SPIRE2: variants seen among roughly 807,000 people sequenced by gnomAD.
SPIRE2 encodes protein spire homolog 2.
In SPIRE2, 76 loss-of-function variants were observed where a neutral mutation model predicts 80.7. The ratio of observed to expected loss-of-function variants is 0.94; its 90% CI spans 0.78 to 1.14. The LOEUF is 1.14. Ranked by LOEUF, SPIRE2 falls within the 50% of genes most tolerant of loss-of-function variation. The pLI is 0.00. For missense variants in SPIRE2, 1,196 were observed against 1,015.3 expected (o/e 1.18, Z -2.42); for synonymous variants, 535 against 432.6 (o/e 1.24, Z -2.94).
intron 13 of SPIRE2, among the ~76,000 whole-genome samples, chr16:89,868,725 C>T (rs1336502506): frequency 2.0e-5 from 3 of 152,024 alleles, no homozygotes; most frequent in African/African-American, 4.8e-5. Context: ...CATGGTGGCA[C>T]GCACCTGTAA....
chr16:89,854,258 C>T (rs773416677), intron 3 of SPIRE2, 28 bp from the exon 4 acceptor site: 5 of 1,606,462 alleles, frequency 3.1e-6, no homozygotes. Flanking sequence ...CGTACCTCCC[C>T]TGGACTGACG....
chr16:89,864,684 C>A (rs2041774001), intron 12 of SPIRE2, among the ~76,000 whole-genome samples: 1 of 152,186 alleles, frequency 6.6e-6, no homozygotes, highest in Admixed American at 6.5e-5. Flanking sequence ...GGACTCGCCT[C>A]ACTAACGTGG....
In SPIRE2 at chr16:89,871,311, C is replaced by G. The variant is rs892539511; in HGVS notation, c.*1039C>G. 3.9e-5 allele frequency: 6 copies of G among 152,282 alleles called. No homozygotes were observed. The highest frequency in any genetic ancestry group is 1.4e-4 in the African/African-American group (6 of 41,452). The allele number at this position is 152,282 out of a possible 1,614,324, so 9.4% of individuals were successfully genotyped here. ...CCACTCTTGGCCTAATAAAGGAGGT[C>G]TCACAGTCTTCTGTCTGGGATGTGC... is the stretch of plus-strand genomic sequence containing the variant. On this transcript the variant is annotated 3_prime_UTR_variant, in exon 15 of 15. Transcript: ENST00000378247.
chr16:89,854,225 G>C, intron 3 of SPIRE2, 61 bp from the exon 4 acceptor site: 2 of 1,492,650 alleles, frequency 1.3e-6, no homozygotes, highest in Non-Finnish European at 1.8e-6. Context: ...GACGGACGGG[G>C]CCCGTCTTGC....
Position 89,828,729 on chromosome 16 carries a change from G to A in SPIRE2, c.179G>A (p.Arg60Gln). The A allele has an allele frequency of 8.1e-7, 1 of 1,241,158 alleles. No homozygotes were observed. Among genetic ancestry groups the A allele is most frequent in the Non-Finnish European group, 1.0e-6 (1 of 989,240 alleles). The allele number at this position is 1,241,158 out of a possible 1,614,324, so 76.9% of individuals were successfully genotyped here. A position where few individuals can be genotyped will look rare whatever the true frequency, so the allele number is the denominator to read the frequency against. Residue 60 changes from arginine to glutamine, a missense_variant, in exon 1 of 15, where the codon CGG becomes CAG. Arg to Gln is a conservative substitution (Grantham distance 43). Coordinates refer to ENST00000378247, the MANE Select transcript of SPIRE2 (RefSeq NM_032451.2). This position sits in a 1 kb window ranked among gnomAD's most constrained non-coding sequence, Gnocchi z 5.9. ...CGGGGCTCGCCGGGCCGGCGCCTGC[G>A]GGATACCGGGGACCTCCTGCTGCGC... ...GLRGSPGRRL[R>Q]DTGDLLLRGD...
chr16:89,847,033 A>G (rs1250905153), intron 2 of SPIRE2: 3 of 151,740 alleles, frequency 2.0e-5, no homozygotes, highest in Admixed American at 1.3e-4. Flanking sequence ...CGCAAGACCT[A>G]TTGATATATT....
intron 3 of SPIRE2, among the ~76,000 whole-genome samples, chr16:89,851,723 C>T (rs1209503069): frequency 2.0e-5 from 3 of 152,114 alleles, no homozygotes; most frequent in Non-Finnish European, 4.4e-5. Flanking sequence ...CACACATGGG[C>T]TCTGCCTTTT....
intron 10 of SPIRE2, among the ~76,000 whole-genome samples, chr16:89,861,521 T>G (rs2041744533): frequency 6.6e-6 from 1 of 152,238 alleles, no homozygotes; most frequent in Non-Finnish European, 1.5e-5. Flanking sequence ...AAGGCAGGGC[T>G]TGCCCCGTTA....
intron 13 of SPIRE2, among the ~76,000 whole-genome samples, chr16:89,869,115 T>G (rs1338933315): frequency 3.0e-5 from 4 of 134,874 alleles, no homozygotes; most frequent in Non-Finnish European, 6.2e-5. Flanking sequence ...AAACTCTGCT[T>G]AAGGAGTACT....
chr16:89,845,111 T>G (rs1013867435), intron 1 of SPIRE2, among the ~76,000 whole-genome samples: 79 of 152,316 alleles, frequency 5.2e-4, no homozygotes, highest in African/African-American at 1.8e-3. Flanking sequence ...CCGGCCCCTG[T>G]ACCTGGGTGT....
chr16:89,868,267 C>T, intron 13 of SPIRE2, 51 bp downstream of exon 13: 1 of 1,592,438 alleles, frequency 6.3e-7, no homozygotes, highest in Non-Finnish European at 8.6e-7. Flanking sequence ...ATGAGGGGCT[C>T]CACTGGCTTT....
intron 6 of SPIRE2, 58 bp downstream of exon 6, chr16:89,855,744 G>A (rs1003576199): frequency 1.3e-6 from 2 of 1,551,856 alleles, no homozygotes; most frequent in African/African-American, 1.4e-5. Context: ...CTGTCCTGTA[G>A]CCAGCCTGGG....
At chr16:89,845,686 G>T (rs979455982) in intron 2 of SPIRE2, 3 of 675,482 alleles carry the variant, frequency 4.4e-6, no homozygotes, top group Non-Finnish European at 8.1e-6. Flanking sequence ...ACAGAGCCGG[G>T]GTCAGGGAGA....
At chr16:89,851,972 G>A (rs905347373) in intron 3 of SPIRE2, among the ~76,000 whole-genome samples, 8 of 151,820 alleles carry the variant, frequency 5.3e-5, no homozygotes, top group Non-Finnish European at 1.0e-4. Context: ...TGAGCTGCTC[G>A]GCCTCATCTG....
At chr16:89,867,334 G>A (rs572453425) in intron 12 of SPIRE2, among the ~76,000 whole-genome samples, 5 of 151,934 alleles carry the variant, frequency 3.3e-5, no homozygotes, top group African/African-American at 9.7e-5. Flanking sequence ...TAGTAGAGAC[G>A]GGGTTTCACC....
At chr16:89,859,400 G>C in intron 9 of SPIRE2, 46 bp downstream of exon 9, 1 of 1,253,394 alleles carries the variant, frequency 8.0e-7, no homozygotes. Context: ...CCCCCACCCC[G>C]ATCCATCCTG....
chr16:89,864,173 C>A lies in SPIRE2; in HGVS notation c.1778+312C>A, dbSNP rs138113544. 1.7e-3 allele frequency among the ~76,000 whole-genome samples: 264 copies of A among 152,222 alleles called. 1 individual carries two copies. Among genetic ancestry groups the A allele is most frequent in the African/African-American group, 5.7e-3 (235 of 41,522 alleles). ...AGCAGGCAACAAAAAGGAAACACAACGGGGCAAGCCTGCCATCACCACAGT... is the reference window on the plus strand; with the variant it reads ...AGCAGGCAACAAAAAGGAAACACAAAGGGGCAAGCCTGCCATCACCACAGT... On this transcript the variant is annotated intron_variant, in intron 12 of 14. Coordinates refer to ENST00000378247, the MANE Select transcript of SPIRE2 (RefSeq NM_032451.2).
At position 89,850,537 on chromosome 16, in the gene SPIRE2, G is replaced by A. The variant is rs2041614213; in HGVS notation, c.522G>A (p.Leu174=). 1.3e-6 allele frequency: 2 copies of A among 1,515,756 alleles called. No individual in the cohort carries two copies. The highest frequency in any genetic ancestry group is 2.4e-5 in the East Asian group (1 of 41,166). 93.9% of individuals were successfully genotyped at this position (1,515,756 alleles called of 1,614,324 possible). A position where few individuals can be genotyped will look rare whatever the true frequency, so the allele number is the denominator to read the frequency against. Residue 174 remains leucine (L), a synonymous_variant, in exon 3 of 15, where the codon CTG becomes CTA. Coordinates refer to ENST00000378247, the MANE Select transcript of SPIRE2 (RefSeq NM_032451.2). ...GCACCTTTGCCCAGGCCATGCGGCT[G>A]TGCGCGGCGCGGCTGACCGACCCCC... The part of the protein sequence containing the change: ...SVRTFAQAMR[L]CAARLTDPRG...
intron 1 of SPIRE2, among the ~76,000 whole-genome samples, chr16:89,834,989 G>A (rs1489868251): frequency 6.0e-5 from 3 of 49,762 alleles, no homozygotes; most frequent in African/African-American, 2.5e-4. Context: ...GCATAGCCCG[G>A]GTGAATCTGT....
Sources: allele counts gnomAD v4.1 joint callset (sites outside exome capture counted in the v4.1 genomes callset), GRCh38; gene constraint gnomAD v4.1.1; non-coding constraint Gnocchi (gnomAD v3.1); transcripts MANE v1.5; gene names NCBI Gene and HGNC (gene_info 2026-07-23, HGNC 2026-07-21).